Variants in CREM observed in about 807,000 individuals in gnomAD.
The protein encoded by CREM is cAMP-responsive element modulator.
CREM carries 13 observed loss-of-function variants against 37.3 expected under a neutral mutation model. The observed-to-expected ratio is 0.35, with a 90% CI of 0.23 to 0.55. The LOEUF is 0.55. Among genes scored for constraint, CREM ranks in the 20% least tolerant of loss-of-function variants. CREM has a pLI of 0.88. For synonymous variants in CREM, 124 were observed against 120.2 expected (o/e 1.03, Z -0.21); for missense variants, 296 against 362.3 (o/e 0.82, Z 1.49).
At chr10:35,187,029 C>T (rs183552488) in intron 5 of CREM, among the ~76,000 whole-genome samples, 14,661 of 63,450 alleles carry the variant, frequency 0.23, 1,383 homozygotes, top group East Asian at 0.32. Context: ...ATATATATCA[C>T]ATATAATATA....
At chr10:35,173,922 T>TTAC (rs2093937191) in intron 3 of CREM, among the ~76,000 whole-genome samples, 1 of 152,066 alleles carries the variant, frequency 6.6e-6, no homozygotes, top group Non-Finnish European at 1.5e-5. Flanking sequence ...GGAGAAAGAG[T>TTAC]TATCTTTTGA....
At chr10:35,180,068 G>C (rs960228927) in intron 5 of CREM, among the ~76,000 whole-genome samples, 1 of 152,102 alleles carries the variant, frequency 6.6e-6, no homozygotes, top group Admixed American at 6.6e-5. Context: ...ATTGTCCATG[G>C]AAGTTGTCTA....
chr10:35,142,708 T>C (rs4934731), intron 2 of CREM, among the ~76,000 whole-genome samples: 56,284 of 152,010 alleles, frequency 0.37, 10,577 homozygotes, highest in African/African-American at 0.43. Flanking sequence ...TGAGCTCAAG[T>C]GATCCTTCCA....
At chr10:35,134,364 A>G (rs924750253) in intron 1 of CREM, among the ~76,000 whole-genome samples, 3 of 152,088 alleles carry the variant, frequency 2.0e-5, no homozygotes, top group South Asian at 2.1e-4. Context: ...TTACAGGCGC[A>G]TGCCACCACG....
intron 2 of CREM, among the ~76,000 whole-genome samples, chr10:35,143,822 T>G (rs2091755299): frequency 6.6e-6 from 1 of 152,136 alleles, no homozygotes; most frequent in African/African-American, 2.4e-5. Flanking sequence ...GTCAACATGC[T>G]GACCTTGATT....
At chr10:35,139,272 G>A (rs72791815) in intron 2 of CREM, among the ~76,000 whole-genome samples, 51,369 of 151,624 alleles carry the variant, frequency 0.34, 8,748 homozygotes, top group Non-Finnish European at 0.35. Flanking sequence ...GGTGCGTGCC[G>A]CCACACCCAG....
In CREM at chr10:35,196,146, A is replaced by T. The variant is rs867499212; in HGVS notation, c.598+7758A>T. The T allele has an allele frequency of 6.2e-6, 10 of 1,600,408 alleles. No homozygotes were observed. In the Middle Eastern group the frequency reaches 1.7e-3, roughly 265 times the overall value. ...AGGCCGTCCCTGCATGCGCCTGGTGAGAAATGGATTATGTATTGTATAAGC... is the reference window on the plus strand; with the variant it reads ...AGGCCGTCCCTGCATGCGCCTGGTGTGAAATGGATTATGTATTGTATAAGC... On this transcript the variant is annotated intron_variant, in intron 6 of 7. Coordinates refer to ENST00000685392, the MANE Select transcript of CREM (RefSeq NM_183011.2).
chr10:35,176,412 T>C (rs560613434), intron 3 of CREM, among the ~76,000 whole-genome samples: 26 of 148,814 alleles, frequency 1.7e-4, no homozygotes, highest in Admixed American at 1.2e-3. Context: ...TTTTCTTCTT[T>C]TTTTTTTTTT....
chr10:35,201,948 A>G (rs2095397614), intron 6 of CREM, among the ~76,000 whole-genome samples: 1 of 152,200 alleles, frequency 6.6e-6, no homozygotes, highest in Non-Finnish European at 1.5e-5. Context: ...TACTTCATAC[A>G]GCACACATTA....
chr10:35,165,273 A>T (rs980094053), intron 3 of CREM, among the ~76,000 whole-genome samples: 8 of 151,866 alleles, frequency 5.3e-5, no homozygotes, highest in Non-Finnish European at 1.2e-4. Flanking sequence ...AGCAAGAGAG[A>T]GGGGAAGTGC....
At chr10:35,146,999 A>T (rs12769575) in intron 2 of CREM, among the ~76,000 whole-genome samples, 44,251 of 151,276 alleles carry the variant, frequency 0.29, 7,042 homozygotes, top group South Asian at 0.35. Context: ...GACAGCTGAA[A>T]AGATGTGTAA....
chr10:35,135,197 A>G (rs2135515031), intron 1 of CREM, among the ~76,000 whole-genome samples: 1 of 152,352 alleles, frequency 6.6e-6, no homozygotes, highest in South Asian at 2.1e-4. Flanking sequence ...AAAATATGGC[A>G]GAGAAATCCA....
chr10:35,203,221 T>C (rs1413624939), intron 6 of CREM, among the ~76,000 whole-genome samples: 3 of 152,088 alleles, frequency 2.0e-5, no homozygotes, highest in Non-Finnish European at 4.4e-5. Context: ...AATTTTTGTA[T>C]GTCTTGTAGA....
In CREM at chr10:35,207,766, C is replaced by T. The variant is rs575939185; in HGVS notation, c.755+715C>T. 6.7e-3 allele frequency among the ~76,000 whole-genome samples: 996 copies of T among 148,088 alleles called. 12 individuals are homozygous for T. The highest frequency in any genetic ancestry group is 0.023 in the African/African-American group (927 of 41,050). Reference sequence around the variant, plus strand: ...TGCAGCCTGGGTGACAGTGAGACTCCGTCTTAAAAAAAAAAAATTACAGTT... The same window carrying T: ...TGCAGCCTGGGTGACAGTGAGACTCTGTCTTAAAAAAAAAAAATTACAGTT... On this transcript the variant is annotated intron_variant, in intron 7 of 7. Coordinates refer to ENST00000685392, the MANE Select transcript of CREM (RefSeq NM_183011.2).
rs527803805 is a variant in CREM, at chr10:35,212,418, T to A, written c.*1020T>A. On this transcript the variant is annotated 3_prime_UTR_variant, in exon 8 of 8. Coordinates refer to ENST00000685392, the MANE Select transcript of CREM (RefSeq NM_183011.2). ...GGTGCTCATTTAAATATCTGAACAT[T>A]TACTACAGTTTTTAACTCTACTGTG... is the stretch of plus-strand genomic sequence containing the variant. 3.9e-5 allele frequency: 6 copies of A among 152,778 alleles called. No homozygotes were observed. The South Asian group carries it at 8.3e-4, about 21-fold the overall frequency. 9.5% of individuals were successfully genotyped at this position (152,778 alleles called of 1,614,324 possible).
At chr10:35,187,316 G>C (rs2094691272) in intron 5 of CREM, among the ~76,000 whole-genome samples, 1 of 138,084 alleles carries the variant, frequency 7.2e-6, no homozygotes, top group South Asian at 2.2e-4. Flanking sequence ...CTGGAGTGCA[G>C]TGCCGCAATC....
rs182782439 is a variant in CREM, at chr10:35,132,057, T to A, written c.-55+4864T>A. Among the ~76,000 whole-genome samples the A allele has an allele frequency of 5.6e-3, 856 of 151,938 alleles. 8 individuals carry two copies. The highest frequency in any genetic ancestry group is 6.9e-3 in the Non-Finnish European group (468 of 67,940). On this transcript the variant is annotated intron_variant, in intron 1 of 7. Coordinates refer to ENST00000685392, the MANE Select transcript of CREM (RefSeq NM_183011.2). Reference sequence around the variant, plus strand: ...CTCTACTAAAAATACAAAAATTAGCTGGGCATGGTGGCTCGCGCGTGTAAT... The same window carrying A: ...CTCTACTAAAAATACAAAAATTAGCAGGGCATGGTGGCTCGCGCGTGTAAT...
At chr10:35,194,097 C>CAA (rs371978117) in intron 6 of CREM, among the ~76,000 whole-genome samples, 800 of 25,016 alleles carry the variant, frequency 0.032, 75 homozygotes, top group East Asian at 0.05. Flanking sequence ...GACTTCATCT[C>CAA]AAAAAAAAAA....
chr10:35,156,113 G>C (rs763374399), intron 3 of CREM, among the ~76,000 whole-genome samples: 2 of 150,992 alleles, frequency 1.3e-5, no homozygotes, highest in Non-Finnish European at 2.9e-5. Flanking sequence ...CTAATTTTTT[G>C]TATTTTTAGT....
Sources: allele counts gnomAD v4.1 joint callset (sites outside exome capture counted in the v4.1 genomes callset), GRCh38; gene constraint gnomAD v4.1.1; transcripts MANE v1.5; gene names NCBI Gene and HGNC (gene_info 2026-07-23, HGNC 2026-07-21).